Variants in TACC2 observed in about 807,000 individuals in gnomAD.
TACC2 encodes the protein transforming acidic coiled-coil containing protein 2.
TACC2 carries 137 observed loss-of-function variants against 227.3 expected under a neutral mutation model. That is an observed-to-expected ratio of 0.60 (90% CI 0.52 to 0.69). The LOEUF is 0.69. Among genes scored for constraint, TACC2 ranks in the 30% least tolerant of loss-of-function variants. The pLI, the probability that TACC2 is intolerant of heterozygous loss-of-function variation, is 0.00. For missense variants in TACC2, 3,470 were observed against 3,694.4 expected, an observed-to-expected ratio of 0.94 and a Z score of 1.57; for synonymous variants, 1,523 against 1,487.5, an observed-to-expected ratio of 1.02 and a Z score of -0.55.
intron 9 of TACC2, among the ~76,000 whole-genome samples, chr10:122,213,013 G>C (rs745851141): frequency 3.3e-5 from 5 of 152,208 alleles, no homozygotes; most frequent in Non-Finnish European, 7.3e-5. Context: ...TCTCATAGGC[G>C]TCCCCAGTCA....
chr10:122,199,806 T>C (rs774731940), intron 8 of TACC2, among the ~76,000 whole-genome samples: 1 of 152,202 alleles, frequency 6.6e-6, no homozygotes, highest in Non-Finnish European at 1.5e-5. Flanking sequence ...CTGGCAGATT[T>C]GGTGTCTAGT....
At chr10:122,149,863 C>A (rs1240467037) in intron 7 of TACC2, among the ~76,000 whole-genome samples, 1 of 152,208 alleles carries the variant, frequency 6.6e-6, no homozygotes. Context: ...TTCCATTGTT[C>A]TCTTGCCTCT....
intron 12 of TACC2, among the ~76,000 whole-genome samples, chr10:122,225,537 T>C (rs2141325885): frequency 6.6e-6 from 1 of 152,352 alleles, no homozygotes; most frequent in South Asian, 2.1e-4. Context: ...CATCCCCTTG[T>C]GCGTTGCTTA....
At chr10:122,024,223 G>T (rs1253318374) in intron 2 of TACC2, among the ~76,000 whole-genome samples, 1 of 152,032 alleles carries the variant, frequency 6.6e-6, no homozygotes, top group Admixed American at 6.6e-5. Context: ...AAAATTAGCT[G>T]GGTGTGGTGG....
At chr10:122,208,924 G>A (rs1032630692) in intron 8 of TACC2, among the ~76,000 whole-genome samples, 1 of 152,260 alleles carries the variant, frequency 6.6e-6, no homozygotes, top group Non-Finnish European at 1.5e-5. Flanking sequence ...ACTGCCTGGA[G>A]CAGCTGTGAC....
At chr10:122,132,514 C>T in intron 5 of TACC2, 95 bp from the exon 6 acceptor site, 3 of 1,462,960 alleles carry the variant, frequency 2.1e-6, no homozygotes, top group Non-Finnish European at 2.8e-6. Context: ...GCGCCATTGC[C>T]CTCCAGCCTG....
chr10:122,141,325 C>T lies in TACC2; in HGVS notation c.5700-2247C>T, dbSNP rs1320237025. ...TCCTCGGCCCCTGGGTATGAGCCAA[C>T]AGGCGGTGGAAGGAGGGGGGCGCCT... On this transcript the variant is annotated intron_variant, in intron 6 of 22. Transcript: ENST00000369005. This position sits in a 1 kb window ranked among gnomAD's most constrained non-coding sequence, Gnocchi z 4.3. 2.0e-5 allele frequency among the ~76,000 whole-genome samples: 3 copies of T among 152,134 alleles called. No individual in the cohort carries two copies. The highest frequency in any genetic ancestry group is 4.4e-5 in the Non-Finnish European group (3 of 68,024).
At chr10:122,017,137 G>A (rs987756895) in intron 1 of TACC2, among the ~76,000 whole-genome samples, 1 of 152,180 alleles carries the variant, frequency 6.6e-6, no homozygotes, top group South Asian at 2.1e-4. Flanking sequence ...GCTGACCAGA[G>A]CAGCCTCTCC....
intron 6 of TACC2, among the ~76,000 whole-genome samples, chr10:122,135,659 C>T (rs11200425): frequency 0.042 from 6,330 of 152,286 alleles, 208 homozygotes; most frequent in South Asian, 0.11. Flanking sequence ...AGTCGATCCT[C>T]GTTGGCAGAT....
At chr10:122,171,648 G>A (rs547278046) in intron 7 of TACC2, among the ~76,000 whole-genome samples, 11 of 152,234 alleles carry the variant, frequency 7.2e-5, no homozygotes, top group Non-Finnish European at 1.5e-4. Flanking sequence ...AATAAGTCAG[G>A]TAGTCATTTT....
At position 122,032,972 on chromosome 10, in the gene TACC2, AAACAAC is replaced by A. The variant is rs5788528; in HGVS notation, c.33+10982_33+10987del. ...AAGACTCTGTCTCAACAAAACAACA[AAACAAC>A]AACAACAACAACAACAACAACAAAA... is the stretch of plus-strand genomic sequence containing the variant. On this transcript the variant is annotated intron_variant, in intron 2 of 22. Coordinates refer to ENST00000369005, the MANE Select transcript of TACC2 (RefSeq NM_206862.4). The A allele has an allele frequency of 6.6e-4, 305 of 461,300 alleles. 1 individual carries two copies. The highest frequency in any genetic ancestry group is 3.9e-3 in the Middle Eastern group (5 of 1,278). The allele number at this position is 461,300 out of a possible 1,614,324, so 28.6% of individuals were successfully genotyped here.
rs1182140201 is a variant in TACC2, at chr10:122,230,535, A to G, written c.8127+95A>G. The G allele has an allele frequency of 3.5e-6, 4 of 1,137,040 alleles. No individual in the cohort carries two copies. The East Asian group carries it at 9.5e-5, about 27-fold the overall frequency. 70.4% of individuals were successfully genotyped at this position (1,137,040 alleles called of 1,614,324 possible). Reference sequence around the variant, plus strand: ...TTTGCTAACCATCCGCCAGGCGGGCATCATCGGTGTCCAGCAAAGAGTCGT... The same window carrying G: ...TTTGCTAACCATCCGCCAGGCGGGCGTCATCGGTGTCCAGCAAAGAGTCGT... On this transcript the variant is annotated intron_variant, in intron 16 of 22. Transcript: ENST00000369005.
intron 2 of TACC2, among the ~76,000 whole-genome samples, chr10:122,048,039 G>A (rs2075233999): frequency 1.3e-5 from 2 of 152,148 alleles, no homozygotes; most frequent in South Asian, 2.1e-4. Flanking sequence ...CTTGCTCTTC[G>A]GGCTGGTGTC....
rs556639817 is a variant in TACC2, at chr10:122,211,835, G to A, written c.7283+127G>A. ...CCCCTGGGTGCTGTGATGATGCCAC[G>A]CTTACGGCCGTTGCACCAAGCAGAC... is the stretch of plus-strand genomic sequence containing the variant. On this transcript the variant is annotated intron_variant, in intron 9 of 22. Transcript: ENST00000369005. 6.4e-5 allele frequency: 46 copies of A among 718,466 alleles called. No homozygotes were observed. The Admixed American group carries it at 9.7e-4, about 15-fold the overall frequency. The allele number at this position is 718,466 out of a possible 1,614,324, so 44.5% of individuals were successfully genotyped here.
intron 5 of TACC2, among the ~76,000 whole-genome samples, chr10:122,092,748 T>G (rs1199887081): frequency 1.3e-5 from 2 of 152,182 alleles, no homozygotes; most frequent in Non-Finnish European, 2.9e-5. Flanking sequence ...AAACAGGCAC[T>G]CTTCTCACTC....
At chr10:122,041,374 G>T (rs1169458347) in intron 2 of TACC2, among the ~76,000 whole-genome samples, 8 of 151,842 alleles carry the variant, frequency 5.3e-5, no homozygotes, top group Non-Finnish European at 1.0e-4. Flanking sequence ...TGTGAAAGAA[G>T]TTGAGCAAAG....
At chr10:122,220,820 CCT>C (rs1157251494) in intron 11 of TACC2, among the ~76,000 whole-genome samples, 1 of 152,202 alleles carries the variant, frequency 6.6e-6, no homozygotes, top group African/African-American at 2.4e-5. Flanking sequence ...TTCATTTCAT[CCT>C]CTCAGTCTGC....
intron 13 of TACC2, among the ~76,000 whole-genome samples, chr10:122,226,815 A>G (rs570642716): frequency 1.3e-5 from 2 of 152,300 alleles, no homozygotes; most frequent in Non-Finnish European, 2.9e-5. Context: ...CCTTTGGACT[A>G]AAGTGAAATC....
rs1210936430 is a variant in TACC2, at chr10:122,085,830, C to T, written c.3330C>T (p.Ser1110=). 3.7e-6 allele frequency: 6 copies of T among 1,612,914 alleles called. No individual in the cohort carries two copies. In the African/African-American group the frequency reaches 4.0e-5, roughly 11 times the overall value. Residue 1110 remains serine, a synonymous_variant, in exon 4 of 23, where the codon TCC becomes TCT. Coordinates refer to ENST00000369005, the MANE Select transcript of TACC2 (RefSeq NM_206862.4). ...GCTGGGCCACTTCGGATGCAGAGTC[C>T]CCAAAGCTTCTTGCAAGTTTCCCAT... is the stretch of plus-strand genomic sequence containing the variant. The part of the protein sequence containing the change: ...MECWATSDAE[S]PKLLASFPSA...
Sources: allele counts gnomAD v4.1 joint callset (sites outside exome capture counted in the v4.1 genomes callset), GRCh38; gene constraint gnomAD v4.1.1; non-coding constraint Gnocchi (gnomAD v3.1); transcripts MANE v1.5; gene names NCBI Gene and HGNC (gene_info 2026-07-23, HGNC 2026-07-21).